The following RHBDL2 variants were observed in gnomAD, a reference collection of about 807,000 sequenced individuals.
The protein encoded by RHBDL2 is rhomboid like 2, also known as rhomboid-related protein 2.
RHBDL2 carries 26 observed loss-of-function variants against 31.7 expected under a neutral mutation model. The observed-to-expected ratio is 0.82, with a 90% CI of 0.60 to 1.14. The LOEUF (loss-of-function observed/expected upper bound fraction) is 1.14, where lower values mean the gene tolerates loss of function less well. Ranked by LOEUF, RHBDL2 falls within the 50% of genes most tolerant of loss-of-function variation. The pLI, the probability that RHBDL2 is intolerant of heterozygous loss-of-function variation, is 0.00. For synonymous variants in RHBDL2, 123 were observed against 127.2 expected (o/e 0.97, Z 0.22); for missense variants, 336 against 364.4 (o/e 0.92, Z 0.63).
chr1:38,890,520 C>G (rs1403812604), intron 6 of RHBDL2, among the ~76,000 whole-genome samples: 2 of 152,126 alleles, frequency 1.3e-5, no homozygotes, highest in African/African-American at 2.4e-5. Context: ...CTCATCTTGC[C>G]CCTTCCTATA....
At chr1:38,893,497 A>C (rs972508402) in intron 5 of RHBDL2, among the ~76,000 whole-genome samples, 6 of 152,192 alleles carry the variant, frequency 3.9e-5, no homozygotes, top group African/African-American at 7.2e-5. Context: ...TAAAATCAGC[A>C]CTTAACATGT....
chr1:38,888,447 A>G (rs1243654510), intron 6 of RHBDL2, among the ~76,000 whole-genome samples: 1 of 152,148 alleles, frequency 6.6e-6, no homozygotes, highest in African/African-American at 2.4e-5. Context: ...CAAAGAGAAG[A>G]AGAAATAGGA....
chr1:38,886,348 G>T lies in RHBDL2; in HGVS notation c.*156C>A. The T allele has an allele frequency of 6.8e-6, 3 of 439,058 alleles. No individual in the cohort carries two copies. Among genetic ancestry groups the T allele is most frequent in the Non-Finnish European group, 1.2e-5 (3 of 258,086 alleles). 27.2% of individuals were successfully genotyped at this position (439,058 alleles called of 1,614,324 possible). ...CCTTAAATCCTAAGGTCCTTTTATAGGCAATCTTTGCAACTGATGAGTTTA... is the reference window on the plus strand; with the variant it reads ...CCTTAAATCCTAAGGTCCTTTTATATGCAATCTTTGCAACTGATGAGTTTA... On this transcript the variant is annotated 3_prime_UTR_variant, in exon 8 of 8. Transcript: ENST00000372990.
At chr1:38,940,459 G>A (rs569900335) in intron 1 of RHBDL2, among the ~76,000 whole-genome samples, 126 of 152,024 alleles carry the variant, frequency 8.3e-4, no homozygotes, top group African/African-American at 2.7e-3. Flanking sequence ...CTCCCGCCTC[G>A]GCCTCCCAAA....
At chr1:38,910,343 C>T (rs1371682972) in intron 4 of RHBDL2, among the ~76,000 whole-genome samples, 5 of 152,068 alleles carry the variant, frequency 3.3e-5, no homozygotes, top group Non-Finnish European at 7.4e-5. Context: ...CATTGGGGAT[C>T]GCTGGTTTAA....
At chr1:38,888,344 T>TGGG (rs1377059816) in intron 6 of RHBDL2, among the ~76,000 whole-genome samples, 1 of 143,706 alleles carries the variant, frequency 7.0e-6, no homozygotes, top group Non-Finnish European at 1.6e-5. Flanking sequence ...GACAAACTGT[T>TGGG]GGGGGGTATG....
intron 4 of RHBDL2, among the ~76,000 whole-genome samples, chr1:38,897,523 G>A (rs907623065): frequency 3.9e-5 from 6 of 151,950 alleles, no homozygotes; most frequent in South Asian, 2.1e-4. Context: ...AGACCAACCC[G>A]GGCCACAGAG....
chr1:38,902,024 T>G (rs903075168), intron 4 of RHBDL2, among the ~76,000 whole-genome samples: 2 of 151,544 alleles, frequency 1.3e-5, no homozygotes, highest in African/African-American at 4.8e-5. Context: ...TTGACATGTA[T>G]ACAATATTCT....
At chr1:38,914,216 C>T (rs1325965669) in intron 3 of RHBDL2, among the ~76,000 whole-genome samples, 2 of 151,882 alleles carry the variant, frequency 1.3e-5, no homozygotes, top group African/African-American at 2.4e-5. Flanking sequence ...GTATCCCACA[C>T]TCATCAATAT....
rs146540525 is a variant in RHBDL2, at chr1:38,935,306, A to G, written c.-126+6376T>C. Among the ~76,000 whole-genome samples, 710 of 152,348 alleles carry G rather than the reference A, an allele frequency of 4.7e-3. 2 individuals carry two copies. Among genetic ancestry groups the G allele is most frequent in the Non-Finnish European group, 7.8e-3 (528 of 68,028 alleles). On this transcript the variant is annotated intron_variant, in intron 1 of 7. Transcript: ENST00000372990. ...TTTGCATCCCCATGACAACTGGCTC[A>G]TGTCTCAATTCTAATTTTATAACAC...
rs1320505800 is a variant in RHBDL2, at chr1:38,886,161, T to G, written c.*343A>C. 1 of 156,542 alleles carries G rather than the reference T, an allele frequency of 6.4e-6. No homozygotes were observed. Among genetic ancestry groups the G allele is most frequent in the Non-Finnish European group, 1.4e-5 (1 of 71,102 alleles). The allele number at this position is 156,542 out of a possible 1,614,324, so 9.7% of individuals were successfully genotyped here. ...TAGAGACAGGGTTTCACCATATTGG[T>G]CAGGCTGGTCTTGAACTCATGACCT... is the stretch of plus-strand genomic sequence containing the variant. On this transcript the variant is annotated 3_prime_UTR_variant, in exon 8 of 8. Coordinates refer to ENST00000372990, the MANE Select transcript of RHBDL2 (RefSeq NM_017821.5).
At chr1:38,902,582 G>A (rs998686038) in intron 4 of RHBDL2, among the ~76,000 whole-genome samples, 3 of 151,808 alleles carry the variant, frequency 2.0e-5, no homozygotes, top group African/African-American at 7.3e-5. Flanking sequence ...ACCATGCCCA[G>A]CTAATTTTTT....
chr1:38,931,706 AAAAG>A (rs888807740), intron 1 of RHBDL2, among the ~76,000 whole-genome samples: 2 of 152,032 alleles, frequency 1.3e-5, no homozygotes, highest in Admixed American at 6.6e-5. Context: ...GGAAAAAAAA[AAAAG>A]AAAGAAAGAA....
chr1:38,917,017 CTTTTTTT>C (rs547654933), intron 2 of RHBDL2, among the ~76,000 whole-genome samples: 2 of 119,900 alleles, frequency 1.7e-5, no homozygotes, highest in Non-Finnish European at 1.7e-5. Context: ...CAGGAACTTT[CTTTTTTT>C]TTTTTTTTTT....
chr1:38,907,708 C>T (rs1219162915), intron 4 of RHBDL2, among the ~76,000 whole-genome samples: 1 of 152,126 alleles, frequency 6.6e-6, no homozygotes, highest in Non-Finnish European at 1.5e-5. Flanking sequence ...CCACTGCATT[C>T]CAGCCTAGGC....
At chr1:38,915,422 G>T in intron 3 of RHBDL2, 140 bp downstream of exon 3, 1 of 778,130 alleles carries the variant, frequency 1.3e-6, no homozygotes. Flanking sequence ...AAAACAGTGG[G>T]AGCAATACCT....
At position 38,886,458 on chromosome 1, in the gene RHBDL2, TC is replaced by T. The variant is rs1642785437; in HGVS notation, c.*45del. The T allele has an allele frequency of 7.4e-7, 1 of 1,358,292 alleles. No homozygotes were observed. The highest frequency in any genetic ancestry group is 9.9e-7 in the Non-Finnish European group (1 of 1,013,978). The allele number at this position is 1,358,292 out of a possible 1,614,324, so 84.1% of individuals were successfully genotyped here. Reference sequence around the variant, plus strand: ...ATAGAGTCTTCCTTTTTTTTTTATTTCCTCCAGATGGCTCTTTTTATTAATT... The same window carrying T: ...ATAGAGTCTTCCTTTTTTTTTTATTTCTCCAGATGGCTCTTTTTATTAATT... On this transcript the variant is annotated 3_prime_UTR_variant, in exon 8 of 8. Coordinates refer to ENST00000372990, the MANE Select transcript of RHBDL2 (RefSeq NM_017821.5).
At chr1:38,939,186 G>A (rs1353992390) in intron 1 of RHBDL2, among the ~76,000 whole-genome samples, 1 of 152,190 alleles carries the variant, frequency 6.6e-6, no homozygotes, top group Non-Finnish European at 1.5e-5. Context: ...TCTACAGGAA[G>A]TGAAAGGCCA....
At chr1:38,931,125 G>C (rs1309338024) in intron 1 of RHBDL2, among the ~76,000 whole-genome samples, 3 of 152,186 alleles carry the variant, frequency 2.0e-5, no homozygotes, top group African/African-American at 7.2e-5. Context: ...CTGGGTCTCT[G>C]GGGTGAAGGC....
Sources: gnomAD v4.1 joint callset for allele counts (sites outside exome capture counted in the v4.1 genomes callset) on GRCh38, gnomAD v4.1.1 for gene constraint, MANE v1.5 for transcripts, NCBI Gene and HGNC (gene_info 2026-07-23, HGNC 2026-07-21) for gene names.